MFN2: variants seen among roughly 807,000 people sequenced by gnomAD.
MFN2 encodes the protein mitofusin 2.
MFN2 carries 43 observed loss-of-function variants against 87.5 expected under a neutral mutation model. That is an observed-to-expected ratio of 0.49 (90% confidence interval 0.38 to 0.63). MFN2 has a LOEUF of 0.63. MFN2 is among the 30% of genes least tolerant of loss of function. MFN2 has a pLI of 0.00. For synonymous variants in MFN2, 337 were observed against 359.9 expected (o/e 0.94, Z 0.72); for missense variants, 743 against 972.8 (o/e 0.76, Z 3.14).
chr1:12,011,863 T>G lies in MFN2; in HGVS notation c.*298T>G, dbSNP rs1441665907. On this transcript the variant is annotated 3_prime_UTR_variant, in exon 19 of 19. Transcript: ENST00000235329. ...TCCAGCTTTCTCTGGTTCATTTGAT[T>G]GCTTGATAAGGCCTCAGGATCTCAG... 8.0e-6 allele frequency: 4 copies of G among 500,634 alleles called. No individual in the cohort carries two copies. Among genetic ancestry groups the G allele is most frequent in the Admixed American group, 6.5e-5 (2 of 30,846 alleles). 31.0% of individuals were successfully genotyped at this position (500,634 alleles called of 1,614,324 possible).
At chr1:12,009,459 C>G (rs1557536997) in intron 17 of MFN2, 133 bp from the exon 18 acceptor site, 1 of 1,296,060 alleles carries the variant, frequency 7.7e-7, no homozygotes, top group Non-Finnish European at 1.1e-6. Context: ...TCTGCCAAAC[C>G]AGGCCTGGCT....
chr1:11,986,925 A>T (rs930902184), intron 2 of MFN2, among the ~76,000 whole-genome samples: 7 of 152,156 alleles, frequency 4.6e-5, no homozygotes, highest in Non-Finnish European at 1.0e-4. Context: ...GTCAAGTCTC[A>T]TGACCTCTAA....
intron 8 of MFN2, 118 bp from the exon 9 acceptor site, chr1:12,001,283 G>T (rs1208475934): frequency 4.3e-6 from 6 of 1,409,922 alleles, no homozygotes; most frequent in Non-Finnish European, 5.8e-6. Flanking sequence ...AAAGTGCTGG[G>T]ATTACAGGCG....
At chr1:11,998,276 G>A (rs542507832) in intron 6 of MFN2, among the ~76,000 whole-genome samples, 1 of 151,974 alleles carries the variant, frequency 6.6e-6, no homozygotes, top group South Asian at 2.1e-4. Context: ...TGCCAGGCAC[G>A]GTGGCTCATG....
rs1038899854 is a variant in MFN2, at chr1:12,013,252, A to G, written c.*1687A>G. On this transcript the variant is annotated 3_prime_UTR_variant, in exon 19 of 19. Coordinates refer to ENST00000235329, the MANE Select transcript of MFN2 (RefSeq NM_014874.4). The stretch of plus-strand genomic sequence containing the variant: ...TTTTTTTCAATGTAGCCCCTGGGGA[A>G]TGAATGAAATTTTGAGCTTCTTCAA... 2.5e-6 allele frequency: 1 copy of G among 397,700 alleles called. No homozygotes were observed. Among genetic ancestry groups the G allele is most frequent in the Non-Finnish European group, 5.2e-6 (1 of 191,688 alleles). The allele number at this position is 397,700 out of a possible 1,614,324, so 24.6% of individuals were successfully genotyped here.
In MFN2 at chr1:11,980,475, G is replaced by A; in HGVS notation, c.-159G>A. 2.5e-6 allele frequency: 1 copy of A among 398,350 alleles called. No homozygotes were observed. Among genetic ancestry groups the A allele is most frequent in the Non-Finnish European group, 4.4e-6 (1 of 225,844 alleles). The allele number at this position is 398,350 out of a possible 1,614,324, so 24.7% of individuals were successfully genotyped here. A position where few individuals can be genotyped will look rare whatever the true frequency, so the allele number is the denominator to read the frequency against. ...AGTGTGATGGCCGCCGCGAGGCCGG[G>A]AAGGTGAAGGTGAGAGGGCGAGCAA... On this transcript the variant is annotated 5_prime_UTR_variant, in exon 1 of 19. Coordinates refer to ENST00000235329, the MANE Select transcript of MFN2 (RefSeq NM_014874.4).
chr1:11,985,432 A>C (rs1453236186), intron 2 of MFN2, among the ~76,000 whole-genome samples: 2 of 143,604 alleles, frequency 1.4e-5, no homozygotes, highest in East Asian at 4.2e-4. Flanking sequence ...AGGTAGTGCT[A>C]TATCATGCCC....
intron 18 of MFN2, among the ~76,000 whole-genome samples, chr1:12,010,707 T>C (rs1334539234): frequency 1.3e-5 from 2 of 152,156 alleles, no homozygotes; most frequent in Non-Finnish European, 2.9e-5. Flanking sequence ...AGCTCTTAAC[T>C]CTCCTGTGTC....
Position 12,004,072 on chromosome 1 carries a change from A to T in MFN2, c.1241A>T (p.Asp414Val), listed in dbSNP as rs1569860081. The change falls in exon 12 of 19, where the codon GAC becomes GTC. Residue 414 changes from aspartate to valine, a missense_variant. Asp to Val is a radical substitution (Grantham distance 152, BLOSUM62 -3). Transcript: ENST00000235329. The surrounding 1 kb of genome is among the most constrained non-coding windows in gnomAD (Gnocchi z 4.2). ...AAACAGCTGGAGCTCTTGGCTCAAGACTATAAGCTGCGAATTAAGCAGATT... is the reference window on the plus strand; with the variant it reads ...AAACAGCTGGAGCTCTTGGCTCAAGTCTATAAGCTGCGAATTAAGCAGATT... The part of the protein sequence containing the change: ...IDKQLELLAQ[D>V]YKLRIKQITE... 2 of 1,614,212 alleles carry T rather than the reference A, an allele frequency of 1.2e-6. No homozygotes were observed. Among genetic ancestry groups the T allele is most frequent in the South Asian group, 2.2e-5 (2 of 91,080 alleles).
chr1:11,990,932 G>A (rs992401850), intron 3 of MFN2, among the ~76,000 whole-genome samples: 8 of 152,188 alleles, frequency 5.3e-5, no homozygotes, highest in Non-Finnish European at 1.2e-4. Flanking sequence ...CTGGCTGTGG[G>A]GGAAATTCAC....
chr1:12,008,378 C>T (rs1639519453), intron 17 of MFN2, among the ~76,000 whole-genome samples: 2 of 148,862 alleles, frequency 1.3e-5, no homozygotes, highest in Middle Eastern at 3.7e-3. Flanking sequence ...GGCGGAGGCG[C>T]CCCCACCTCC....
At chr1:11,992,322 C>T in intron 3 of MFN2, 1 of 581,550 alleles carries the variant, frequency 1.7e-6, no homozygotes, top group Non-Finnish European at 3.1e-6. Context: ...GGCCACAGAG[C>T]TAGAAAGTGG....
intron 2 of MFN2, among the ~76,000 whole-genome samples, chr1:11,988,188 C>T (rs1036923122): frequency 6.6e-6 from 1 of 151,606 alleles, no homozygotes; most frequent in Non-Finnish European, 1.5e-5. Context: ...CTGCAACCTC[C>T]GCCTCCCAGG....
Position 11,989,318 on chromosome 1 carries a change from C to G in MFN2, c.150C>G (p.Ile50Met). ...NGIFEQLGAY[I>M]QESATFLEDT... ...TTTTTGAGCAGCTGGGGGCCTACATCCAGGAGAGCGCCACCTTCCTTGAAG... is the reference window on the plus strand; with the variant it reads ...TTTTTGAGCAGCTGGGGGCCTACATGCAGGAGAGCGCCACCTTCCTTGAAG... The change falls in exon 3 of 19, where the codon ATC (isoleucine) becomes ATG (methionine). Residue 50 changes from isoleucine (I) to methionine (M), a missense_variant. Physicochemically the swap from Ile to Met is conservative, Grantham distance 10. Coordinates refer to ENST00000235329, the MANE Select transcript of MFN2 (RefSeq NM_014874.4). The G allele has an allele frequency of 6.2e-7, 1 of 1,614,042 alleles. No individual in the cohort carries two copies. Among genetic ancestry groups the G allele is most frequent in the Middle Eastern group, 1.6e-4 (1 of 6,062 alleles).
intron 17 of MFN2, among the ~76,000 whole-genome samples, chr1:12,008,498 T>C (rs1405136425): frequency 5.3e-5 from 8 of 151,294 alleles, no homozygotes; most frequent in Admixed American, 1.3e-4. Flanking sequence ...ACGGGGCGGC[T>C]GCTAGGCGGA....
At position 12,005,860 on chromosome 1, in the gene MFN2, T is replaced by G. The variant is rs1639385234; in HGVS notation, c.1645T>G (p.Trp549Gly). The change falls in exon 15 of 19, where the codon TGG (tryptophan) becomes GGG (glycine). Residue 549 changes from tryptophan (W) to glycine (G), a missense_variant. Coordinates refer to ENST00000235329, the MANE Select transcript of MFN2 (RefSeq NM_014874.4). ...EDIEFHFSLG[W>G]TMLVNRFLGP... ...CATTGAGTTCCATTTCTCTCTCGGATGGACCATGCTGGTGAATAGGTTCCT... is the reference window on the plus strand; with the variant it reads ...CATTGAGTTCCATTTCTCTCTCGGAGGGACCATGCTGGTGAATAGGTTCCT... 6.2e-7 allele frequency: 1 copy of G among 1,614,080 alleles called. No homozygotes were observed. The highest frequency in any genetic ancestry group is 1.3e-5 in the African/African-American group (1 of 74,928).
chr1:11,982,287 G>T (rs746697551), intron 2 of MFN2, among the ~76,000 whole-genome samples, 173 bp downstream of exon 2: 1 of 152,148 alleles, frequency 6.6e-6, no homozygotes, highest in Non-Finnish European at 1.5e-5. Flanking sequence ...GAAGGATTTC[G>T]CTGGTTGCTT....
intron 14 of MFN2, 131 bp downstream of exon 14, chr1:12,005,058 G>C: frequency 1.3e-6 from 1 of 760,202 alleles, no homozygotes; most frequent in Admixed American, 2.0e-5. Context: ...GATACCTTCA[G>C]GTTCTGGGTA....
rs186576683 is a variant in MFN2, at chr1:11,995,366, C to G, written c.312-790C>G. 4.6e-5 allele frequency among the ~76,000 whole-genome samples: 7 copies of G among 152,316 alleles called. No individual in the cohort carries two copies. In the East Asian group the frequency reaches 1.4e-3, roughly 29 times the overall value. The stretch of plus-strand genomic sequence containing the variant: ...TGAGAAAGTAGGCTGGGCATGGTGG[C>G]TCATGCCTGTAATCCCAGCACTTTG... On this transcript the variant is annotated intron_variant, in intron 4 of 18. Transcript: ENST00000235329.
Sources: gnomAD v4.1 joint callset for allele counts (sites outside exome capture counted in the v4.1 genomes callset) on GRCh38, gnomAD v4.1.1 for gene constraint, Gnocchi (gnomAD v3.1) non-coding constraint, MANE v1.5 for transcripts, NCBI Gene and HGNC (gene_info 2026-07-23, HGNC 2026-07-21) for gene names.